The following SORBS3 variants were observed in gnomAD, a reference collection of about 807,000 sequenced individuals.
SORBS3 encodes the protein sorbin and SH3 domain containing 3.
In SORBS3, 69 loss-of-function variants were observed where a neutral mutation model predicts 98.0. The observed-to-expected ratio is 0.70, with a 90% CI of 0.58 to 0.86. The LOEUF is 0.86. Ranked by LOEUF, SORBS3 falls within the 40% of genes least tolerant of loss-of-function variation. The pLI is 0.00. For missense variants in SORBS3, 954 were observed against 908.5 expected (o/e 1.05, Z -0.64); for synonymous variants, 394 against 355.4 (o/e 1.11, Z -1.22).
In SORBS3 at chr8:22,565,286, C is replaced by A; in HGVS notation, c.835C>A (p.Leu279Met). 6.4e-7 allele frequency: 1 copy of A among 1,555,120 alleles called. No individual in the cohort carries two copies. Among genetic ancestry groups the A allele is most frequent in the Non-Finnish European group, 8.7e-7 (1 of 1,149,566 alleles). The change falls in exon 11 of 21, where the codon CTG becomes ATG. Residue 279 changes from leucine (L) to methionine (M), a missense_variant. Coordinates refer to ENST00000240123, the MANE Select transcript of SORBS3 (RefSeq NM_005775.5). ...QPIEVLLERE[L>M]AELSAELDKD... ...CCCCCAGGTGCTGCTGGAGAGAGAG[C>A]TGGCCGAGCTGAGCGCCGAGCTGGA...
rs568748096 is a variant in SORBS3, at chr8:22,571,146, C to T, written c.1668C>T (p.Ile556=). 18 of 1,595,658 alleles carry T rather than the reference C, an allele frequency of 1.1e-5. No individual in the cohort carries two copies. The highest frequency in any genetic ancestry group is 4.0e-5 in the African/African-American group (3 of 74,794). The change falls in exon 18 of 21, where the codon ATC becomes ATT. Residue 556 remains isoleucine, a synonymous_variant. Transcript: ENST00000240123. ...CCCTGCGCAGCCCAGCTGACCCCAT[C>T]GACTTGGGGGGACAGACCTCCCCCC... The part of the protein sequence containing the change: ...PSALRSPADP[I]DLGGQTSPRR...
chr8:22,552,699 C>T (rs1840106495), intron 1 of SORBS3, among the ~76,000 whole-genome samples: 1 of 152,216 alleles, frequency 6.6e-6, no homozygotes, highest in Admixed American at 6.5e-5. Flanking sequence ...GCTGATGGCC[C>T]AGGCGGCAGC....
chr8:22,557,931 G>C (rs1342047597), intron 4 of SORBS3, among the ~76,000 whole-genome samples, 198 bp from the exon 5 acceptor site: 1 of 152,220 alleles, frequency 6.6e-6, no homozygotes, highest in Non-Finnish European at 1.5e-5. Context: ...TGGAGATCTT[G>C]TCATATATCT....
intron 5 of SORBS3, 106 bp from the exon 6 acceptor site, chr8:22,561,229 C>T: frequency 9.1e-7 from 1 of 1,103,458 alleles, no homozygotes; most frequent in Non-Finnish European, 1.3e-6. Flanking sequence ...ACTCAGCCCT[C>T]AGCCCCCTAC....
intron 1 of SORBS3, chr8:22,545,509 G>A (rs1028969874): frequency 1.3e-5 from 2 of 152,296 alleles, no homozygotes; most frequent in African/African-American, 4.8e-5. Context: ...AGATGATACT[G>A]GAGAGTATAT....
intron 20 of SORBS3, among the ~76,000 whole-genome samples, chr8:22,573,729 G>A (rs1840650957): frequency 6.6e-6 from 1 of 152,236 alleles, no homozygotes; most frequent in Admixed American, 6.5e-5. Flanking sequence ...CAGCCTGGAA[G>A]GGGAGGCCCA....
chr8:22,569,080 C>T (rs1303845180), intron 16 of SORBS3, 68 bp from the exon 17 acceptor site: 4 of 1,461,268 alleles, frequency 2.7e-6, no homozygotes, highest in Non-Finnish European at 3.6e-6. Context: ...TGCTGTCTCA[C>T]AGGAACCCCC....
intron 6 of SORBS3, 94 bp from the exon 7 acceptor site, chr8:22,561,771 C>A: frequency 8.6e-7 from 1 of 1,165,534 alleles, no homozygotes; most frequent in Non-Finnish European, 1.3e-6. Context: ...GGGGGTGGTG[C>A]TGAAACTCTA....
intron 3 of SORBS3, among the ~76,000 whole-genome samples, chr8:22,555,860 C>A (rs531537095): frequency 2.2e-4 from 33 of 152,192 alleles, no homozygotes; most frequent in African/African-American, 6.5e-4. Context: ...AAAACAAAAA[C>A]AAAAACAAAA....
chr8:22,561,304 T>TC, intron 5 of SORBS3, 31 bp from the exon 6 acceptor site: 1 of 1,562,772 alleles, frequency 6.4e-7, no homozygotes, highest in Non-Finnish European at 8.7e-7. Context: ...TTCTGCCCCG[T>TC]CCCATGACCT....
At chr8:22,562,651 C>A in intron 7 of SORBS3, among the ~76,000 whole-genome samples, 1 of 152,184 alleles carries the variant, frequency 6.6e-6, no homozygotes, top group East Asian at 1.9e-4. Context: ...TGGGTTTAAG[C>A]CTGTGCACTG....
intron 10 of SORBS3, chr8:22,564,764 A>G: frequency 7.2e-6 from 10 of 1,396,816 alleles, no homozygotes; most frequent in Non-Finnish European, 8.4e-6. Flanking sequence ...GTCAGTGCGC[A>G]CTGGGATTAT....
chr8:22,561,450 C>T (rs768702582), intron 6 of SORBS3, 77 bp downstream of exon 6: 2 of 1,541,816 alleles, frequency 1.3e-6, no homozygotes, highest in East Asian at 2.3e-5. Flanking sequence ...GGACTCGCAG[C>T]CCCGCCTGGC....
chr8:22,565,061 G>A (rs1267824354), intron 10 of SORBS3: 2 of 1,420,946 alleles, frequency 1.4e-6, no homozygotes, highest in Non-Finnish European at 9.2e-7. Context: ...CACTCCCGGG[G>A]CGTGCTGGGC....
rs1233610300 is a variant in SORBS3 at position 22,561,355 on chromosome 8, T to C, written c.499T>C (p.Phe167Leu). 1 of 1,608,872 alleles carries C rather than the reference T, an allele frequency of 6.2e-7. No individual in the cohort carries two copies. The highest frequency in any genetic ancestry group is 1.1e-5 in the South Asian group (1 of 90,798). The change falls in exon 6 of 21, where the codon TTC (phenylalanine) becomes CTC (leucine). Residue 167 changes from phenylalanine (F) to leucine (L), a missense_variant. Physicochemically the swap from Phe to Leu is conservative, Grantham distance 22. Transcript: ENST00000240123. ...TGCAGACTTGCAGCTGGACTGGACC[T>C]TCGAGGAGCCACCCAGAGGTGAGGG... ...KMPDLQLDWT[F>L]EEPPRDPRHL...
At chr8:22,573,668 C>T (rs73229803) in intron 20 of SORBS3, among the ~76,000 whole-genome samples, 1,103 of 96,016 alleles carry the variant, frequency 0.011, 3 homozygotes, top group Non-Finnish European at 0.015. Flanking sequence ...GGGCAGAGGA[C>T]GAGGGTGGGG....
intron 3 of SORBS3, among the ~76,000 whole-genome samples, 199 bp from the exon 4 acceptor site, chr8:22,556,516 G>A (rs1031986136): frequency 6.6e-6 from 1 of 152,144 alleles, no homozygotes; most frequent in South Asian, 2.1e-4. Flanking sequence ...GGCCAGGCAC[G>A]GCATTCTCAA....
chr8:22,570,501 T>C (rs1840544997), intron 17 of SORBS3, among the ~76,000 whole-genome samples: 1 of 152,204 alleles, frequency 6.6e-6, no homozygotes, highest in Admixed American at 6.5e-5. Context: ...ACAGTATGGT[T>C]ATTTTCACTT....
upstream of SORBS3, among the ~76,000 whole-genome samples, chr8:22,547,076 TCTAATTTCCAATAAGCTGAGTA>T (rs1840023515): frequency 6.6e-6 from 1 of 152,200 alleles, no homozygotes; most frequent in Non-Finnish European, 1.5e-5. Context: ...GGCCCAGGTT[TCTAATTTCCAATAAGCTGAGTA>T]GCATTGGGTT....
Sources: allele counts gnomAD v4.1 joint callset (sites outside exome capture counted in the v4.1 genomes callset), GRCh38; gene constraint gnomAD v4.1.1; transcripts MANE v1.5; gene names NCBI Gene and HGNC (gene_info 2026-07-23, HGNC 2026-07-21).